The following MITF variants were observed in gnomAD, a reference collection of about 807,000 sequenced individuals.
The protein encoded by MITF is melanocyte inducing transcription factor.
A neutral mutation model predicts 60.5 loss-of-function variants in MITF; 17 were observed. The observed-to-expected ratio is 0.28, with a 90% CI of 0.19 to 0.42. MITF has a LOEUF of 0.42. MITF is among the 10% of genes least tolerant of loss of function. The pLI is 1.00. For missense variants in MITF, 622 were observed against 683.5 expected (o/e 0.91, Z 1.00); for synonymous variants, 260 against 248.5 (o/e 1.05, Z -0.43).
At chr3:69,853,863 CTTTTTT>C (rs571942610) in intron 1 of MITF, among the ~76,000 whole-genome samples, 1 of 135,622 alleles carries the variant, frequency 7.4e-6, no homozygotes, top group Non-Finnish European at 1.6e-5. Flanking sequence ...TCTCTTTCGT[CTTTTTT>C]TTTTTTTTTT....
rs780602285 is a variant in MITF at position 69,959,361 on chromosome 3, C to G, written c.1120C>G (p.Leu374Val). 1.2e-6 allele frequency: 2 copies of G among 1,613,984 alleles called. No individual in the cohort carries two copies. The highest frequency in any genetic ancestry group is 1.7e-6 in the Non-Finnish European group (2 of 1,179,940). Residue 374 changes from leucine (L) to valine (V), a missense_variant, in exon 9 of 10, where the codon CTT becomes GTT. By Grantham distance (32) the Leu-to-Val change is conservative. Coordinates refer to ENST00000352241, the MANE Select transcript of MITF (RefSeq NM_001354604.2). ...ACGAGAACAGCAACGCGCAAAAGAA[C>G]TTGAAAACCGACAGAAGAAACTGGA... is the stretch of plus-strand genomic sequence containing the variant. ...LQREQQRAKE[L>V]ENRQKKLEHA...
intron 4 of MITF, among the ~76,000 whole-genome samples, 185 bp from the exon 5 acceptor site, chr3:69,941,051 T>C (rs1217877142): frequency 6.6e-6 from 1 of 152,218 alleles, no homozygotes; most frequent in East Asian, 1.9e-4. Flanking sequence ...CACCTATTCG[T>C]GTTAATGGTC....
intron 1 of MITF, among the ~76,000 whole-genome samples, chr3:69,796,663 C>T (rs557542952): frequency 1.9e-4 from 28 of 150,948 alleles, no homozygotes; most frequent in Non-Finnish European, 3.2e-4. Flanking sequence ...CCCGCCACCG[C>T]GCCCGGCTAA....
At chr3:69,839,316 C>T (rs1345708717) in intron 1 of MITF, among the ~76,000 whole-genome samples, 1 of 151,754 alleles carries the variant, frequency 6.6e-6, no homozygotes, top group East Asian at 1.9e-4. Flanking sequence ...CACTGCTTTT[C>T]CCACTGGAAG....
intron 1 of MITF, among the ~76,000 whole-genome samples, chr3:69,777,086 G>T (rs1346383518): frequency 6.6e-6 from 1 of 152,154 alleles, no homozygotes; most frequent in Non-Finnish European, 1.5e-5. Flanking sequence ...GATCACAAAA[G>T]ATCAGAGTTA....
At chr3:69,926,539 A>C (rs972725360) in intron 2 of MITF, among the ~76,000 whole-genome samples, 1 of 152,136 alleles carries the variant, frequency 6.6e-6, no homozygotes, top group East Asian at 1.9e-4. Flanking sequence ...GATAAACTGC[A>C]AACAATGGGG....
intron 1 of MITF, among the ~76,000 whole-genome samples, chr3:69,761,443 C>G (rs774007932): frequency 1.3e-5 from 2 of 152,172 alleles, no homozygotes; most frequent in Non-Finnish European, 2.9e-5. Flanking sequence ...TGAGGACTGT[C>G]TGACTTCAAA....
chr3:69,870,440 A>AT (rs1356293333), intron 1 of MITF, among the ~76,000 whole-genome samples: 1,734 of 135,204 alleles, frequency 0.013, 22 homozygotes, highest in Middle Eastern at 0.052. Context: ...ATATATATAT[A>AT]TTTTTTTTTT....
intron 1 of MITF, among the ~76,000 whole-genome samples, chr3:69,803,561 A>G (rs938591181): frequency 5.3e-5 from 8 of 152,188 alleles, no homozygotes; most frequent in African/African-American, 9.7e-5. Context: ...TAATTTCCCT[A>G]AAGAAAAATA....
intron 2 of MITF, among the ~76,000 whole-genome samples, chr3:69,891,229 T>C (rs148694321): frequency 2.0e-5 from 3 of 152,342 alleles, no homozygotes; most frequent in Non-Finnish European, 4.4e-5. Context: ...TACAATGTTA[T>C]GAATATGGGC....
intron 2 of MITF, among the ~76,000 whole-genome samples, chr3:69,880,143 T>C (rs371188501): frequency 1.5e-4 from 23 of 152,284 alleles, no homozygotes; most frequent in African/African-American, 5.5e-4. Context: ...ACTTCCTTAT[T>C]TTTAGTTTTT....
chr3:69,958,149 C>G (rs1236368899), intron 8 of MITF, among the ~76,000 whole-genome samples: 1 of 152,188 alleles, frequency 6.6e-6, no homozygotes, highest in Non-Finnish European at 1.5e-5. Context: ...TTGGTTGAAA[C>G]AATCACTTCT....
chr3:69,855,977 A>C (rs1178504371), intron 1 of MITF, among the ~76,000 whole-genome samples: 1 of 152,004 alleles, frequency 6.6e-6, no homozygotes, highest in Non-Finnish European at 1.5e-5. Flanking sequence ...CCAGCTTCCC[A>C]CTTTTTCTGT....
chr3:69,938,299 C>T lies in MITF; in HGVS notation c.582+250C>T. 4 of 1,493,632 alleles carry T rather than the reference C, an allele frequency of 2.7e-6. No homozygotes were observed. In the South Asian group the frequency reaches 3.6e-5, roughly 13 times the overall value. The allele number at this position is 1,493,632 out of a possible 1,614,324, so 92.5% of individuals were successfully genotyped here. On this transcript the variant is annotated intron_variant, in intron 3 of 9. Coordinates refer to ENST00000352241, the MANE Select transcript of MITF (RefSeq NM_001354604.2). Reference sequence around the variant, plus strand: ...AATGTGGAGGCGAGGACACTTTTGCCACTTGCTTCTTCTTCCTTAGCTGAG... The same window carrying T: ...AATGTGGAGGCGAGGACACTTTTGCTACTTGCTTCTTCTTCCTTAGCTGAG...
In MITF at chr3:69,967,455, T is replaced by G. The variant is rs1270282940; in HGVS notation, c.*2207T>G. ...AAGATCGTGATGCTATGATGTTAGT[T>G]TTCCTTAGCTGATTTTGAGGGTTTT... On this transcript the variant is annotated 3_prime_UTR_variant, in exon 10 of 10. Transcript: ENST00000352241. 8.6e-6 allele frequency: 2 copies of G among 233,380 alleles called. No homozygotes were observed. Among genetic ancestry groups the G allele is most frequent in the Non-Finnish European group, 1.7e-5 (2 of 117,882 alleles). The allele number at this position is 233,380 out of a possible 1,614,324, so 14.5% of individuals were successfully genotyped here.
chr3:69,791,279 C>T (rs772850603), intron 1 of MITF, among the ~76,000 whole-genome samples: 1 of 152,210 alleles, frequency 6.6e-6, no homozygotes, highest in Non-Finnish European at 1.5e-5. Flanking sequence ...GCCTCCGCAA[C>T]TGTGATTCAA....
At chr3:69,901,014 A>G (rs2064983820) in intron 2 of MITF, among the ~76,000 whole-genome samples, 1 of 152,014 alleles carries the variant, frequency 6.6e-6, no homozygotes, top group African/African-American at 2.4e-5. Context: ...AAACAAAACA[A>G]AAAAAACCTA....
intron 2 of MITF, chr3:69,936,536 A>C: frequency 7.4e-7 from 1 of 1,353,924 alleles, no homozygotes; most frequent in Non-Finnish European, 9.6e-7. Flanking sequence ...TTTTTTTTAC[A>C]TGCATAACTA....
At chr3:69,763,976 A>G (rs774536087) in intron 1 of MITF, 1 of 1,326,964 alleles carries the variant, frequency 7.5e-7, no homozygotes, top group Non-Finnish European at 1.0e-6. Context: ...ACCTCAGTTT[A>G]CAGGTTCTTA....
Sources: allele counts gnomAD v4.1 joint callset (sites outside exome capture counted in the v4.1 genomes callset), GRCh38; gene constraint gnomAD v4.1.1; transcripts MANE v1.5; gene names NCBI Gene and HGNC (gene_info 2026-07-23, HGNC 2026-07-21).